Variants in CAPS2 observed in about 807,000 individuals in gnomAD.
CAPS2 encodes the protein calcyphosin-2.
In CAPS2, 98 loss-of-function variants were observed where a neutral mutation model predicts 86.5. The observed-to-expected ratio is 1.13, with a 90% confidence interval of 0.96 to 1.34. The LOEUF (loss-of-function observed/expected upper bound fraction) is 1.34, where lower values mean the gene tolerates loss of function less well. Ranked by LOEUF, CAPS2 falls within the 40% of genes most tolerant of loss-of-function variation. The pLI is 0.00. For synonymous variants in CAPS2, 210 were observed against 225.1 expected (o/e 0.93, Z 0.60); for missense variants, 729 against 686.8 (o/e 1.06, Z -0.69).
chr12:75,366,321 T>C (rs2043958899), intron 1 of CAPS2, among the ~76,000 whole-genome samples: 2 of 152,278 alleles, frequency 1.3e-5, no homozygotes, highest in South Asian at 4.1e-4. Context: ...AGATTGGATC[T>C]AAACAGTGGG....
intron 15 of CAPS2, among the ~76,000 whole-genome samples, chr12:75,282,892 C>T (rs1413804575): frequency 6.6e-6 from 1 of 152,126 alleles, no homozygotes; most frequent in Non-Finnish European, 1.5e-5. Context: ...CACTTTCTAG[C>T]ATCCTGACCT....
chr12:75,295,715 AAAT>A (rs1370479662), intron 11 of CAPS2, among the ~76,000 whole-genome samples: 2 of 152,226 alleles, frequency 1.3e-5, no homozygotes, highest in Non-Finnish European at 2.9e-5. Flanking sequence ...ATGTCAGAGA[AAAT>A]AATGAATAGA....
intron 1 of CAPS2, chr12:75,363,086 T>A: frequency 7.1e-7 from 1 of 1,413,042 alleles, no homozygotes. Context: ...CTAATCAATG[T>A]TTCTCTTTTT....
chr12:75,306,981 G>A (rs1050245307), intron 7 of CAPS2, among the ~76,000 whole-genome samples: 1 of 151,978 alleles, frequency 6.6e-6, no homozygotes, highest in African/African-American at 2.4e-5. Flanking sequence ...AAGGAGTAAG[G>A]GTACCACAAG....
At chr12:75,328,607 AT>A (rs1317981197), upstream of CAPS2, among the ~76,000 whole-genome samples, 2 of 152,258 alleles carry the variant, frequency 1.3e-5, no homozygotes, top group Admixed American at 1.3e-4. Flanking sequence ...ACATGTATAC[AT>A]TTTACACATA....
intron 8 of CAPS2, among the ~76,000 whole-genome samples, chr12:75,302,070 A>C (rs2037885521): frequency 6.6e-6 from 1 of 152,210 alleles, no homozygotes; most frequent in African/African-American, 2.4e-5. Flanking sequence ...CACAGGGCAG[A>C]ATGTGCTGCT....
intron 16 of CAPS2, 91 bp downstream of exon 16, chr12:75,282,160 G>T: frequency 1.3e-6 from 1 of 750,056 alleles, no homozygotes; most frequent in Non-Finnish European, 2.3e-6. Context: ...CTCCCTAATG[G>T]CCTCAGTCTA....
rs200661882 is a variant in CAPS2 at position 75,291,772 on chromosome 12, A to G, written c.1212T>C (p.Asn404=). 2.2e-5 allele frequency: 34 copies of G among 1,569,808 alleles called. No individual in the cohort carries two copies. The Admixed American group carries it at 5.7e-4, about 26-fold the overall frequency. Residue 404 remains asparagine, a synonymous_variant, in exon 13 of 17, where the codon AAT becomes AAC. Transcript: ENST00000393284. ...GAATTGCTTTGAAGACCAGCCTATC[A>G]TTGGTTTCTTGAATGATTATATCAT...
At chr12:75,276,531 A>T (rs2032961551), downstream of CAPS2, 1 of 978,554 alleles carries the variant, frequency 1.0e-6, no homozygotes, top group African/African-American at 1.8e-5. Flanking sequence ...TATAAAATTT[A>T]AAACAGGGAC....
intron 11 of CAPS2, among the ~76,000 whole-genome samples, chr12:75,295,708 T>A (rs2036761675): frequency 6.6e-6 from 1 of 152,156 alleles, no homozygotes; most frequent in Admixed American, 6.5e-5. Context: ...TACCATCATG[T>A]CAGAGAAAAT....
At chr12:75,295,060 A>G (rs1449211391) in intron 11 of CAPS2, 5 of 152,192 alleles carry the variant, frequency 3.3e-5, no homozygotes, top group African/African-American at 1.2e-4. Context: ...ATGGGACCAA[A>G]GGACAAACAA....
At chr12:75,389,369 G>A (rs1323884331) in intron 1 of CAPS2, among the ~76,000 whole-genome samples, 1 of 152,178 alleles carries the variant, frequency 6.6e-6, no homozygotes, top group Non-Finnish European at 1.5e-5. Context: ...TGAATGAGAT[G>A]TCTAGCAGTG....
chr12:75,356,824 T>C (rs1009539497), intron 1 of CAPS2, among the ~76,000 whole-genome samples: 2 of 152,114 alleles, frequency 1.3e-5, no homozygotes, highest in African/African-American at 2.4e-5. Flanking sequence ...TTTTTTCACT[T>C]TGAATATAAA....
chr12:75,381,245 T>C (rs7310735), intron 1 of CAPS2, among the ~76,000 whole-genome samples: 83,361 of 152,036 alleles, frequency 0.55, 22,912 homozygotes, highest in East Asian at 0.58. Flanking sequence ...TTCTCTCTTG[T>C]CGCCGCCATG....
At chr12:75,327,939 A>G (rs750730943), upstream of CAPS2, among the ~76,000 whole-genome samples, 7 of 151,716 alleles carry the variant, frequency 4.6e-5, no homozygotes, top group Non-Finnish European at 1.0e-4. Context: ...TAATTTATCT[A>G]CATGGTTCTC....
At chr12:75,389,606 T>C (rs1364710487) in intron 1 of CAPS2, among the ~76,000 whole-genome samples, 1 of 152,204 alleles carries the variant, frequency 6.6e-6, no homozygotes, top group African/African-American at 2.4e-5. Flanking sequence ...ACTTGCCACC[T>C]TCACCCTTAA....
chr12:75,284,551 G>A (rs1411183685), intron 15 of CAPS2, among the ~76,000 whole-genome samples: 2 of 152,010 alleles, frequency 1.3e-5, no homozygotes, highest in African/African-American at 4.8e-5. Flanking sequence ...CTGGAGTATT[G>A]ACACTGGAAC....
chr12:75,320,201 T>C (rs1394548486), intron 5 of CAPS2, among the ~76,000 whole-genome samples: 1 of 152,112 alleles, frequency 6.6e-6, no homozygotes, highest in Non-Finnish European at 1.5e-5. Flanking sequence ...GCAAATAAAA[T>C]TTGTTTTTCT....
chr12:75,324,761 T>C (rs2040610311), intron 2 of CAPS2, among the ~76,000 whole-genome samples: 1 of 152,022 alleles, frequency 6.6e-6, no homozygotes, highest in South Asian at 2.1e-4. Context: ...TATTCCAAAT[T>C]TTAAAAGTCA....
Sources: allele counts gnomAD v4.1 joint callset (sites outside exome capture counted in the v4.1 genomes callset), GRCh38; gene constraint gnomAD v4.1.1; transcripts MANE v1.5; gene names NCBI Gene and HGNC (gene_info 2026-07-23, HGNC 2026-07-21).